The following SORCS3 variants were observed in gnomAD, a reference collection of about 807,000 sequenced individuals.
SORCS3 encodes the protein VPS10 domain-containing receptor SorCS3.
A neutral mutation model predicts 146.3 loss-of-function variants in SORCS3; 57 were observed. The ratio of observed to expected loss-of-function variants is 0.39; its 90% CI spans 0.31 to 0.49. The LOEUF is 0.49. SORCS3 is among the 20% of genes least tolerant of loss of function. The pLI is 0.92. For synonymous variants in SORCS3, 653 were observed against 618.5 expected (o/e 1.06, Z -0.83); for missense variants, 1,341 against 1,575.5 (o/e 0.85, Z 2.52).
At chr10:104,969,744 G>T (rs755274599) in intron 3 of SORCS3, among the ~76,000 whole-genome samples, 17 of 152,096 alleles carry the variant, frequency 1.1e-4, no homozygotes, top group Middle Eastern at 3.2e-3. Flanking sequence ...TTATGTGTGT[G>T]TGCACATAAA....
intron 25 of SORCS3, 80 bp downstream of exon 25, chr10:105,257,004 C>A: frequency 1.0e-6 from 1 of 984,682 alleles, no homozygotes; most frequent in Non-Finnish European, 1.6e-6. Flanking sequence ...CTTTACTAAA[C>A]TCATCGCAAG....
At chr10:105,152,263 A>G (rs887665814) in intron 9 of SORCS3, among the ~76,000 whole-genome samples, 1 of 152,222 alleles carries the variant, frequency 6.6e-6, no homozygotes, top group Admixed American at 6.5e-5. Context: ...AAATACATAC[A>G]TAAGGTGAGC....
chr10:104,986,555 C>T (rs903419656), intron 4 of SORCS3, among the ~76,000 whole-genome samples: 2 of 152,330 alleles, frequency 1.3e-5, no homozygotes, highest in Middle Eastern at 3.4e-3. Context: ...TCTCAGCCTC[C>T]TGGCTTTCAA....
At chr10:104,725,298 G>C (rs529690818) in intron 1 of SORCS3, among the ~76,000 whole-genome samples, 3 of 152,318 alleles carry the variant, frequency 2.0e-5, no homozygotes, top group African/African-American at 4.8e-5. Context: ...GTGGATATTG[G>C]TGAATAGCAA....
At chr10:105,064,921 G>A (rs2055512702) in intron 5 of SORCS3, among the ~76,000 whole-genome samples, 1 of 152,100 alleles carries the variant, frequency 6.6e-6, no homozygotes, top group African/African-American at 2.4e-5. Flanking sequence ...AATTCTCTAG[G>A]TATTCCTTAG....
chr10:104,686,668 C>T (rs2016047353), intron 1 of SORCS3, among the ~76,000 whole-genome samples: 1 of 152,172 alleles, frequency 6.6e-6, no homozygotes, highest in South Asian at 2.1e-4. Context: ...GCATTCCTAT[C>T]TGTCCAGTAC....
At chr10:104,794,347 C>G (rs964120901) in intron 1 of SORCS3, among the ~76,000 whole-genome samples, 1 of 152,032 alleles carries the variant, frequency 6.6e-6, no homozygotes, top group African/African-American at 2.4e-5. Flanking sequence ...GAGTTGATGG[C>G]TGGGGCTTTT....
intron 5 of SORCS3, among the ~76,000 whole-genome samples, chr10:105,077,235 A>G (rs2055594390): frequency 6.6e-6 from 1 of 152,168 alleles, no homozygotes; most frequent in South Asian, 2.1e-4. Context: ...TACTTAGTCT[A>G]CCACATGAGA....
intron 9 of SORCS3, among the ~76,000 whole-genome samples, chr10:105,156,713 CA>C (rs1306800100): frequency 6.6e-6 from 1 of 152,188 alleles, no homozygotes; most frequent in African/African-American, 2.4e-5. Flanking sequence ...TACTACTAAT[CA>C]CAATGCCTCA....
intron 26 of SORCS3, among the ~76,000 whole-genome samples, chr10:105,262,983 T>G (rs915570580): frequency 3.3e-5 from 5 of 152,198 alleles, no homozygotes; most frequent in African/African-American, 1.2e-4. Flanking sequence ...AAGACTGTTG[T>G]GATAATGACC....
chr10:105,053,108 A>G (rs1044489187), intron 5 of SORCS3, among the ~76,000 whole-genome samples: 2 of 152,068 alleles, frequency 1.3e-5, no homozygotes, highest in Admixed American at 6.6e-5. Context: ...AGAGAGGGCA[A>G]GCTCTCTGGT....
chr10:105,150,644 A>G (rs1289671745), intron 9 of SORCS3, among the ~76,000 whole-genome samples: 1 of 152,186 alleles, frequency 6.6e-6, no homozygotes, highest in Non-Finnish European at 1.5e-5. Flanking sequence ...GTCAGGGACA[A>G]GAATGAGGGC....
chr10:104,713,161 C>T (rs912641631), intron 1 of SORCS3, among the ~76,000 whole-genome samples: 3 of 151,422 alleles, frequency 2.0e-5, no homozygotes, highest in South Asian at 2.1e-4. Context: ...AGTGTGGGTG[C>T]GTGCATGCAT....
intron 2 of SORCS3, among the ~76,000 whole-genome samples, chr10:104,846,100 A>G (rs948634504): frequency 3.3e-5 from 5 of 152,130 alleles, no homozygotes; most frequent in Non-Finnish European, 7.4e-5. Flanking sequence ...ATATATGAGT[A>G]TATTTTTGTG....
intron 1 of SORCS3, among the ~76,000 whole-genome samples, chr10:104,744,818 T>C (rs900282459): frequency 2.6e-5 from 4 of 152,234 alleles, no homozygotes; most frequent in Non-Finnish European, 4.4e-5. Flanking sequence ...TGGTTGGGTG[T>C]TGTATGCCTG....
intron 16 of SORCS3, among the ~76,000 whole-genome samples, chr10:105,201,705 A>T (rs2056575855): frequency 6.6e-6 from 1 of 152,138 alleles, no homozygotes; most frequent in African/African-American, 2.4e-5. Flanking sequence ...TCACTTAATG[A>T]AATTCAAATC....
rs1171678248 is a variant in SORCS3 at position 105,043,039 on chromosome 10, C to G, written c.955-16C>G. ...TGGTTCCTTGAGACTTACATTCTCA[C>G]TTCATTGTTTTGCAGCTCTACAGCT... On this transcript the variant is annotated splice_polypyrimidine_tract_variant and intron_variant, in intron 4 of 26. Coordinates refer to ENST00000369701, the MANE Select transcript of SORCS3 (RefSeq NM_014978.3). 6.2e-7 allele frequency: 1 copy of G among 1,612,684 alleles called. No individual in the cohort carries two copies.
chr10:104,673,565 G>C (rs954696341), intron 1 of SORCS3, among the ~76,000 whole-genome samples: 4 of 152,006 alleles, frequency 2.6e-5, no homozygotes, highest in Non-Finnish European at 4.4e-5. Context: ...CTGGGGACAA[G>C]TGATCCTCCT....
At chr10:105,208,472 A>G (rs2056615493) in intron 16 of SORCS3, among the ~76,000 whole-genome samples, 1 of 151,882 alleles carries the variant, frequency 6.6e-6, no homozygotes, top group Non-Finnish European at 1.5e-5. Context: ...CATCATACAT[A>G]TTCCCATCAT....
Sources: allele counts gnomAD v4.1 joint callset (sites outside exome capture counted in the v4.1 genomes callset), GRCh38; gene constraint gnomAD v4.1.1; transcripts MANE v1.5; gene names NCBI Gene and HGNC (gene_info 2026-07-23, HGNC 2026-07-21).